The following MCTP2 variants were observed in gnomAD, a reference collection of about 807,000 sequenced individuals.
MCTP2 encodes multiple C2 and transmembrane domain-containing protein 2.
Under a neutral mutation model 111.6 loss-of-function variants are expected in MCTP2, and 132 were observed. That is an observed-to-expected ratio of 1.18 (90% confidence interval 1.03 to 1.37). The LOEUF (loss-of-function observed/expected upper bound fraction) is 1.37. MCTP2 is among the 40% of genes most tolerant of loss of function. The pLI, the probability that MCTP2 is intolerant of heterozygous loss-of-function variation, is 0.00. For missense variants in MCTP2, 1,183 were observed against 1,067.9 expected (o/e 1.11, Z -1.50); for synonymous variants, 395 against 387.7 (o/e 1.02, Z -0.22).
chr15:94,277,724 T>A (rs961853583), intron 1 of MCTP2, among the ~76,000 whole-genome samples: 20 of 152,152 alleles, frequency 1.3e-4, no homozygotes, highest in African/African-American at 4.6e-4. Context: ...GTACAGAAAC[T>A]ACTCTGTATA....
At chr15:94,299,682 T>A (rs2075507551) in intron 2 of MCTP2, among the ~76,000 whole-genome samples, 1 of 152,236 alleles carries the variant, frequency 6.6e-6, no homozygotes, top group African/African-American at 2.4e-5. Flanking sequence ...TGAAGTAGGT[T>A]TCCATGTTGA....
At chr15:94,428,237 T>A (rs2082987376) in intron 17 of MCTP2, among the ~76,000 whole-genome samples, 1 of 152,200 alleles carries the variant, frequency 6.6e-6, no homozygotes, top group South Asian at 2.1e-4. Flanking sequence ...AAAATGTCTC[T>A]GCTTCACTCT....
At chr15:94,261,987 C>A (rs2073214116) in intron 1 of MCTP2, among the ~76,000 whole-genome samples, 1 of 152,070 alleles carries the variant, frequency 6.6e-6, no homozygotes, top group Non-Finnish European at 1.5e-5. Flanking sequence ...TGCAATTAAT[C>A]TAATTAGACA....
At chr15:94,404,461 C>G (rs1018868031) in intron 17 of MCTP2, among the ~76,000 whole-genome samples, 20 of 151,836 alleles carry the variant, frequency 1.3e-4, no homozygotes, top group African/African-American at 4.4e-4. Context: ...ACCACCATGC[C>G]CGGCTAATTT....
At chr15:94,373,636 T>C (rs2079601173) in intron 12 of MCTP2, among the ~76,000 whole-genome samples, 1 of 152,212 alleles carries the variant, frequency 6.6e-6, no homozygotes, top group African/African-American at 2.4e-5. Context: ...GAGAAGACTT[T>C]ATTCAAAGAA....
intron 2 of MCTP2, among the ~76,000 whole-genome samples, chr15:94,304,851 C>T (rs1338243487): frequency 2.0e-5 from 3 of 152,182 alleles, no homozygotes; most frequent in Non-Finnish European, 4.4e-5. Context: ...TAAAGTCCCT[C>T]CTTCTGAACA....
Position 94,424,318 on chromosome 15 carries a change from G to GT in MCTP2, c.2086-15848dup, listed in dbSNP as rs138054926. On this transcript the variant is annotated intron_variant, in intron 17 of 22. Coordinates refer to ENST00000357742, the MANE Select transcript of MCTP2 (RefSeq NM_001385001.1). ...TGGATATTTTCATTTTGTTTTTTGG[G>GT]TTTTTTTTTTCCATTATCAAAAGTA... Among the ~76,000 whole-genome samples the GT allele has an allele frequency of 1.5e-3, 220 of 147,904 alleles. 2 individuals are homozygous for GT. The highest frequency in any genetic ancestry group is 0.014 in the Middle Eastern group (4 of 282).
At position 94,464,257 on chromosome 15, in the gene MCTP2, TTATATA is replaced by T. The variant is rs1555481313; in HGVS notation, c.2360+6028_2360+6033del. Among the ~76,000 whole-genome samples, 303 of 44,942 alleles carry T rather than the reference TTATATA, an allele frequency of 6.7e-3. 29 individuals carry two copies. The highest frequency in any genetic ancestry group is 0.014 in the African/African-American group (241 of 16,686). 29.5% of individuals were successfully genotyped at this position (44,942 alleles called of 152,430 possible). ...TATATATAATATATATATATATATA[TTATATA>T]TATATATATATATATAAACGTCAGC... On this transcript the variant is annotated intron_variant, in intron 20 of 22. Transcript: ENST00000357742.
intron 4 of MCTP2, among the ~76,000 whole-genome samples, chr15:94,334,618 C>A (rs183544172): frequency 2.8e-4 from 43 of 152,298 alleles, no homozygotes; most frequent in Non-Finnish European, 5.0e-4. Flanking sequence ...TCATGGTAAA[C>A]TCTAAATCTT....
rs554470620 is a variant in MCTP2, at chr15:94,444,008, A to G, written c.2250+1048A>G. On this transcript the variant is annotated intron_variant, in intron 19 of 22. Transcript: ENST00000357742. ...AAAAAAAAAAAAAAAAAAAAAAAAC[A>G]GAAGTATTAGTGAAATTATTTTAAA... Among the ~76,000 whole-genome samples the G allele has an allele frequency of 5.1e-4, 72 of 140,756 alleles. No individual in the cohort carries two copies. The South Asian group carries it at 7.8e-3, about 15-fold the overall frequency. The allele number at this position is 140,756 out of a possible 152,430, so 92.3% of individuals were successfully genotyped here. A position where few individuals can be genotyped will look rare whatever the true frequency, so the allele number is the denominator to read the frequency against.
At chr15:94,350,556 C>T (rs1308934210) in intron 8 of MCTP2, among the ~76,000 whole-genome samples, 1 of 151,504 alleles carries the variant, frequency 6.6e-6, no homozygotes, top group African/African-American at 2.4e-5. Context: ...AGTGACAGAG[C>T]GAGACTCCGT....
intron 19 of MCTP2, among the ~76,000 whole-genome samples, chr15:94,452,499 T>G (rs139903767): frequency 1.4e-3 from 216 of 152,330 alleles, no homozygotes; most frequent in Non-Finnish European, 2.5e-3. Context: ...ATTTGCTTAT[T>G]TCTTGGGTTG....
At chr15:94,369,527 A>C (rs543406232) in intron 11 of MCTP2, among the ~76,000 whole-genome samples, 1 of 152,342 alleles carries the variant, frequency 6.6e-6, no homozygotes, top group South Asian at 2.1e-4. Flanking sequence ...TCAAGGCTAA[A>C]GTAAATATGA....
At chr15:94,268,776 G>T (rs1596231112) in intron 1 of MCTP2, among the ~76,000 whole-genome samples, 1 of 120,206 alleles carries the variant, frequency 8.3e-6, no homozygotes, top group Non-Finnish European at 1.8e-5. Context: ...TTTCTACATT[G>T]ACTTTTTTTT....
chr15:94,446,100 T>G (rs1181214198), intron 19 of MCTP2, among the ~76,000 whole-genome samples: 1 of 152,232 alleles, frequency 6.6e-6, no homozygotes, highest in Non-Finnish European at 1.5e-5. Context: ...TCCTTAGCAT[T>G]GTGAAAAGTT....
intron 17 of MCTP2, among the ~76,000 whole-genome samples, chr15:94,424,778 G>A (rs1391450884): frequency 6.6e-6 from 1 of 152,114 alleles, no homozygotes; most frequent in African/African-American, 2.4e-5. Flanking sequence ...ACTTTGGTGA[G>A]GTCTTAATTT....
rs1380184795 is a variant in MCTP2 at position 94,483,357 on chromosome 15, G to C, written c.*4323G>C. ...ACCCAGCAATCCCATAACTGGGTAT[G>C]TACCCAAAGGAATATAAATTGTTCT... is the stretch of plus-strand genomic sequence containing the variant. On this transcript the variant is annotated 3_prime_UTR_variant, in exon 23 of 23. Coordinates refer to ENST00000357742, the MANE Select transcript of MCTP2 (RefSeq NM_001385001.1). 1 of 152,160 alleles carries C rather than the reference G, an allele frequency of 6.6e-6. No homozygotes were observed. The highest frequency in any genetic ancestry group is 1.5e-5 in the Non-Finnish European group (1 of 68,028). 9.4% of individuals were successfully genotyped at this position (152,160 alleles called of 1,614,324 possible). A position where few individuals can be genotyped will look rare whatever the true frequency, so the allele number is the denominator to read the frequency against.
intron 16 of MCTP2, among the ~76,000 whole-genome samples, chr15:94,401,441 C>T (rs540828437): frequency 6.6e-6 from 1 of 152,196 alleles, no homozygotes; most frequent in Non-Finnish European, 1.5e-5. Context: ...AGCTATAATA[C>T]TTGCATGTTT....
At chr15:94,291,217 A>G (rs1181313741) in intron 1 of MCTP2, among the ~76,000 whole-genome samples, 1 of 152,230 alleles carries the variant, frequency 6.6e-6, no homozygotes, top group African/African-American at 2.4e-5. Flanking sequence ...TAATAAAAAG[A>G]TAGATAGAAA....
Sources: gnomAD v4.1 joint callset for allele counts (sites outside exome capture counted in the v4.1 genomes callset) on GRCh38, gnomAD v4.1.1 for gene constraint, MANE v1.5 for transcripts, NCBI Gene and HGNC (gene_info 2026-07-23, HGNC 2026-07-21) for gene names.